Variants in RASGRF2 observed in about 807,000 individuals in gnomAD.
RASGRF2 encodes the protein ras-specific guanine nucleotide-releasing factor 2.
Under a neutral mutation model 151.0 loss-of-function variants are expected in RASGRF2, and 76 were observed. That is an observed-to-expected ratio of 0.50 (90% confidence interval 0.42 to 0.61). The LOEUF (loss-of-function observed/expected upper bound fraction) is 0.61, where lower values mean the gene tolerates loss of function less well. Among genes scored for constraint, RASGRF2 ranks in the 20% least tolerant of loss-of-function variants. The pLI is 0.00. For missense variants in RASGRF2, 1,148 were observed against 1,564.6 expected (o/e 0.73, Z 4.49); for synonymous variants, 504 against 566.5 (o/e 0.89, Z 1.57).
chr5:81,061,627 C>A (rs1751436039), intron 2 of RASGRF2, among the ~76,000 whole-genome samples: 1 of 151,816 alleles, frequency 6.6e-6, no homozygotes, highest in African/African-American at 2.4e-5. Context: ...CCTGCCTCAG[C>A]CTCCTTGAGT....
intron 1 of RASGRF2, among the ~76,000 whole-genome samples, chr5:81,029,043 G>A (rs780641955): frequency 1.3e-5 from 2 of 152,158 alleles, no homozygotes; most frequent in African/African-American, 4.8e-5. Context: ...ACGGAGCCTC[G>A]CTCACTGCTA....
At chr5:81,166,238 A>G (rs1480818590) in intron 17 of RASGRF2, among the ~76,000 whole-genome samples, 2 of 151,844 alleles carry the variant, frequency 1.3e-5, no homozygotes, top group East Asian at 3.9e-4. Context: ...CCAGGCTGGA[A>G]TGCAGTGGCG....
intron 5 of RASGRF2, among the ~76,000 whole-genome samples, chr5:81,078,649 T>A (rs188807962): frequency 1.3e-5 from 2 of 152,368 alleles, no homozygotes; most frequent in East Asian, 3.9e-4. Flanking sequence ...AGCTCAATAA[T>A]TTTGAATTTT....
chr5:81,076,635 A>G (rs1472715952), intron 5 of RASGRF2, among the ~76,000 whole-genome samples: 2 of 148,830 alleles, frequency 1.3e-5, no homozygotes, highest in Non-Finnish European at 3.0e-5. Flanking sequence ...GAGGTGTGGA[A>G]TAGTGATAAC....
chr5:81,218,172 A>G (rs79642570), intron 25 of RASGRF2, among the ~76,000 whole-genome samples: 2,620 of 152,178 alleles, frequency 0.017, 72 homozygotes, highest in African/African-American at 0.059. Flanking sequence ...GCCCGGCCCA[A>G]TGTTTGCTTT....
chr5:81,161,719 T>C (rs1453833054), intron 17 of RASGRF2, among the ~76,000 whole-genome samples: 1 of 152,178 alleles, frequency 6.6e-6, no homozygotes, highest in Non-Finnish European at 1.5e-5. Flanking sequence ...GTGTAGCCTC[T>C]TTCCAGCTTG....
chr5:81,027,654 G>A (rs1307866825), intron 1 of RASGRF2, among the ~76,000 whole-genome samples: 2 of 152,160 alleles, frequency 1.3e-5, no homozygotes, highest in Non-Finnish European at 2.9e-5. Context: ...GATGAAATAT[G>A]CTTTGAAAAA....
At chr5:81,219,612 C>A in intron 25 of RASGRF2, 98 bp from the exon 26 acceptor site, 3 of 963,736 alleles carry the variant, frequency 3.1e-6, no homozygotes, top group Admixed American at 2.0e-5. Flanking sequence ...AGGGACTGAC[C>A]CTTCTGGGAA....
Position 81,113,640 on chromosome 5 carries a change from A to G in RASGRF2, c.2190A>G (p.Pro730=). ...RLCRKFSSPP[P]LAVSRTSSPV... ...GTCGCAAATTCTCTTCCCCGCCACC[A>G]CTGGCTGTGTCCAGAACATCTTCCC... The change falls in exon 15 of 27, where the codon CCA becomes CCG. Residue 730 remains proline (P), a synonymous_variant. Coordinates refer to ENST00000265080, the MANE Select transcript of RASGRF2 (RefSeq NM_006909.3). 2 of 1,611,902 alleles carry G rather than the reference A, an allele frequency of 1.2e-6. No individual in the cohort carries two copies. Among genetic ancestry groups the G allele is most frequent in the South Asian group, 1.1e-5 (1 of 91,026 alleles).
chr5:81,171,766 C>G lies in RASGRF2; in HGVS notation c.2687-8409C>G, dbSNP rs190560659. On this transcript the variant is annotated intron_variant, in intron 17 of 26. Transcript: ENST00000265080. ...CAAACATGTTGTCACCTTTCTGCTTCTAACCCATCCCTTTCCTTCTTGCCC... is the reference window on the plus strand; with the variant it reads ...CAAACATGTTGTCACCTTTCTGCTTGTAACCCATCCCTTTCCTTCTTGCCC... Among the ~76,000 whole-genome samples, 339 of 152,312 alleles carry G rather than the reference C, an allele frequency of 2.2e-3. 1 individual carries two copies. The highest frequency in any genetic ancestry group is 7.6e-3 in the Admixed American group (117 of 15,302).
chr5:81,095,382 G>C (rs923352535), intron 12 of RASGRF2, among the ~76,000 whole-genome samples: 3 of 152,144 alleles, frequency 2.0e-5, no homozygotes, highest in African/African-American at 7.2e-5. Flanking sequence ...CCAACATAGG[G>C]CTATGGCAGG....
intron 1 of RASGRF2, among the ~76,000 whole-genome samples, chr5:80,991,612 C>T (rs923424671): frequency 6.6e-6 from 1 of 152,090 alleles, no homozygotes. Context: ...ATTACTAGAG[C>T]CATCTCTAGT....
intron 9 of RASGRF2, 99 bp from the exon 10 acceptor site, chr5:81,092,702 G>A: frequency 9.1e-7 from 1 of 1,093,118 alleles, no homozygotes; most frequent in East Asian, 2.4e-5. Context: ...TCAATCCCTG[G>A]TATTTTGGGA....
rs1026162398 is a variant in RASGRF2 at position 81,227,923 on chromosome 5, A to C, written c.*2153A>C. 1 of 152,168 alleles carries C rather than the reference A, an allele frequency of 6.6e-6. No homozygotes were observed. Among genetic ancestry groups the C allele is most frequent in the Non-Finnish European group, 1.5e-5 (1 of 68,024 alleles). The allele number at this position is 152,168 out of a possible 1,614,324, so 9.4% of individuals were successfully genotyped here. ...TTCCAGAGACACTGCAGCCATTCTT[A>C]TTAACAAAAAATAAGACAGGAGTTT... On this transcript the variant is annotated 3_prime_UTR_variant, in exon 27 of 27. Coordinates refer to ENST00000265080, the MANE Select transcript of RASGRF2 (RefSeq NM_006909.3).
chr5:81,105,662 G>A (rs1752826056), intron 12 of RASGRF2, among the ~76,000 whole-genome samples: 1 of 152,188 alleles, frequency 6.6e-6, no homozygotes, highest in Admixed American at 6.5e-5. Context: ...GGTTACCCAA[G>A]GGGCTTCCTC....
chr5:81,036,060 C>T (rs373381533), intron 1 of RASGRF2, among the ~76,000 whole-genome samples: 106 of 152,160 alleles, frequency 7.0e-4, no homozygotes, highest in African/African-American at 2.5e-3. Context: ...GCACAAATAA[C>T]ATTAAACATG....
intron 7 of RASGRF2, among the ~76,000 whole-genome samples, chr5:81,081,675 C>T (rs941738948): frequency 5.3e-5 from 8 of 152,174 alleles, no homozygotes; most frequent in Non-Finnish European, 1.2e-4. Context: ...TGTCCTCCTG[C>T]GCAGGCATCT....
Position 81,094,310 on chromosome 5 carries a change from GTC to G in RASGRF2, c.1570_1571del (p.Leu524AsnfsTer7). The G allele has an allele frequency of 6.2e-7, 1 of 1,613,434 alleles. No homozygotes were observed. The highest frequency in any genetic ancestry group is 1.1e-5 in the South Asian group (1 of 90,962). On this transcript the variant is annotated frameshift_variant, in exon 11 of 27. Transcript: ENST00000265080. LOFTEE classifies it high-confidence loss of function. ...LHLLKTGGVL[S>X]LIDCTLIEEP... ...TTTGTTTCCAGACAGGTGGGGTTCT[GTC>G]TCTAATAGACTGCACATTGATTGAG...
chr5:81,036,560 G>A (rs571573505), intron 1 of RASGRF2, among the ~76,000 whole-genome samples: 1 of 151,996 alleles, frequency 6.6e-6, no homozygotes, highest in South Asian at 2.1e-4. Flanking sequence ...TTTTCTATTT[G>A]TATGTCCTTA....
Sources: gnomAD v4.1 joint callset for allele counts (sites outside exome capture counted in the v4.1 genomes callset) on GRCh38, gnomAD v4.1.1 for gene constraint, MANE v1.5 for transcripts, NCBI Gene and HGNC (gene_info 2026-07-23, HGNC 2026-07-21) for gene names.